Variants in LMO1 observed in about 807,000 individuals in gnomAD.
LMO1 encodes LIM domain only 1.
Under a neutral mutation model 18.0 loss-of-function variants are expected in LMO1, and 10 were observed. That is an observed-to-expected ratio of 0.55 (90% CI 0.34 to 0.94). The LOEUF (loss-of-function observed/expected upper bound fraction) is 0.94. Ranked by LOEUF, LMO1 falls within the 40% of genes least tolerant of loss-of-function variation. The pLI, the probability that LMO1 is intolerant of heterozygous loss-of-function variation, is 0.02. For missense variants in LMO1, 183 were observed against 205.7 expected (o/e 0.89, Z 0.68); for synonymous variants, 77 against 77.9 (o/e 0.99, Z 0.06).
chr11:8,263,659 C>A lies in LMO1; in HGVS notation c.-297G>T, dbSNP rs982595875. 7.8e-7 allele frequency: 1 copy of A among 1,288,694 alleles called. No individual in the cohort carries two copies. The highest frequency in any genetic ancestry group is 9.8e-7 in the Non-Finnish European group (1 of 1,016,772). The allele number at this position is 1,288,694 out of a possible 1,614,324, so 79.8% of individuals were successfully genotyped here. A position where few individuals can be genotyped will look rare whatever the true frequency, so the allele number is the denominator to read the frequency against. ...GGGGAAAAGAGGATCAGAGCCGTTT[C>A]TTTGATTCTCACCTTCTAAATGGCT... On this transcript the variant is annotated 5_prime_UTR_variant, in exon 1 of 4. Transcript: ENST00000335790.
At chr11:8,246,801 G>A (rs921799663) in intron 1 of LMO1, among the ~76,000 whole-genome samples, 1 of 152,064 alleles carries the variant, frequency 6.6e-6, no homozygotes, top group Non-Finnish European at 1.5e-5. Flanking sequence ...AGCATAGCGG[G>A]GGAAATAACC....
At chr11:8,231,819 C>A (rs570709632) in intron 1 of LMO1, among the ~76,000 whole-genome samples, 94 of 152,256 alleles carry the variant, frequency 6.2e-4, no homozygotes, top group African/African-American at 2.2e-3. Flanking sequence ...CTGCCCCCAG[C>A]CCAGAGTCTG....
chr11:8,255,332 T>C (rs1847072535), intron 1 of LMO1, among the ~76,000 whole-genome samples: 1 of 152,036 alleles, frequency 6.6e-6, no homozygotes, highest in Non-Finnish European at 1.5e-5. Context: ...CGTAATGAAA[T>C]CTCATCTCTA....
chr11:8,253,845 G>A (rs1165257147), intron 1 of LMO1, among the ~76,000 whole-genome samples: 5 of 151,776 alleles, frequency 3.3e-5, no homozygotes, highest in African/African-American at 9.7e-5. Context: ...AGCCACTCCC[G>A]CCACACAATA....
At chr11:8,268,714 G>C (rs1847286906), upstream of LMO1, 1 of 240,858 alleles carries the variant, frequency 4.2e-6, no homozygotes, top group Non-Finnish European at 7.9e-6. Context: ...CAGCTGCCCG[G>C]GCCGGGCCGC....
intron 2 of LMO1, among the ~76,000 whole-genome samples, chr11:8,229,853 G>A (rs1952620541): frequency 6.6e-6 from 1 of 152,214 alleles, no homozygotes; most frequent in Admixed American, 6.5e-5. Flanking sequence ...AGAAAGGAAA[G>A]TTGGACACTG....
intron 1 of LMO1, among the ~76,000 whole-genome samples, chr11:8,252,432 C>T (rs1438425891): frequency 6.6e-6 from 1 of 152,218 alleles, no homozygotes; most frequent in Non-Finnish European, 1.5e-5. Flanking sequence ...CTAAGATGGT[C>T]CCCAGTGATC....
At chr11:8,243,231 A>G (rs1846829439) in intron 1 of LMO1, among the ~76,000 whole-genome samples, 2 of 151,040 alleles carry the variant, frequency 1.3e-5, no homozygotes, top group South Asian at 4.3e-4. Context: ...GCAGACCTGG[A>G]TAAGAGAGAG....
chr11:8,248,223 A>G (rs1360485116), intron 1 of LMO1, among the ~76,000 whole-genome samples: 1 of 152,266 alleles, frequency 6.6e-6, no homozygotes, highest in Non-Finnish European at 1.5e-5. Flanking sequence ...TCAATTTCAA[A>G]GAATTCTAAA....
chr11:8,225,931 G>T (rs1952531406), intron 3 of LMO1, among the ~76,000 whole-genome samples: 1 of 152,242 alleles, frequency 6.6e-6, no homozygotes, highest in South Asian at 2.1e-4. Context: ...CTAGGCCCCA[G>T]CCAGGGCTGA....
chr11:8,249,039 C>T (rs561864410), intron 1 of LMO1, among the ~76,000 whole-genome samples: 1 of 152,356 alleles, frequency 6.6e-6, no homozygotes, highest in East Asian at 1.9e-4. Context: ...GGTCTACCTT[C>T]CCTGGAGCTC....
At chr11:8,247,365 G>A (rs1338748891) in intron 1 of LMO1, among the ~76,000 whole-genome samples, 2 of 152,226 alleles carry the variant, frequency 1.3e-5, no homozygotes, top group Non-Finnish European at 2.9e-5. Context: ...CAGTCCACGA[G>A]GGTAGGAAGG....
intron 3 of LMO1, among the ~76,000 whole-genome samples, chr11:8,225,183 G>A (rs930832415): frequency 6.6e-6 from 1 of 151,942 alleles, no homozygotes; most frequent in Non-Finnish European, 1.5e-5. Flanking sequence ...GGAGGCTGAG[G>A]TGGGTGGATC....
chr11:8,268,619 C>T (rs4988627), upstream of LMO1: 7 of 392,762 alleles, frequency 1.8e-5, no homozygotes, highest in African/African-American at 1.5e-4. Context: ...CGCAGCCCCG[C>T]GGGCAGGGAG....
At chr11:8,266,445 C>T (rs569263385), upstream of LMO1, among the ~76,000 whole-genome samples, 1 of 152,106 alleles carries the variant, frequency 6.6e-6, no homozygotes, top group Non-Finnish European at 1.5e-5. Flanking sequence ...TCCTCAGATC[C>T]CCTGGGGCTG....
intron 1 of LMO1, among the ~76,000 whole-genome samples, chr11:8,261,351 G>C (rs1847183304): frequency 6.6e-6 from 1 of 152,194 alleles, no homozygotes; most frequent in Non-Finnish European, 1.5e-5. Flanking sequence ...TTGGAGGCAG[G>C]GAGCTGGCTA....
chr11:8,268,106 C>T (rs1847279161), upstream of LMO1, among the ~76,000 whole-genome samples: 1 of 152,264 alleles, frequency 6.6e-6, no homozygotes, highest in Non-Finnish European at 1.5e-5. Flanking sequence ...CAGAGGCGCT[C>T]CGGATGCCCG....
intron 1 of LMO1, among the ~76,000 whole-genome samples, chr11:8,236,234 C>A (rs1238645539): frequency 6.6e-6 from 1 of 151,754 alleles, no homozygotes; most frequent in African/African-American, 2.4e-5. Flanking sequence ...CTCTGTCTCC[C>A]ATGCTGGAGT....
At chr11:8,247,746 G>A (rs1434689136) in intron 1 of LMO1, among the ~76,000 whole-genome samples, 1 of 152,210 alleles carries the variant, frequency 6.6e-6, no homozygotes, top group Admixed American at 6.5e-5. Context: ...GAGTCTACAT[G>A]GATTCAACAT....
Sources: allele counts gnomAD v4.1 joint callset (sites outside exome capture counted in the v4.1 genomes callset), GRCh38; gene constraint gnomAD v4.1.1; transcripts MANE v1.5; gene names NCBI Gene and HGNC (gene_info 2026-07-23, HGNC 2026-07-21).